Variants in C1orf185 observed in about 807,000 individuals in gnomAD.
C1orf185 encodes uncharacterized protein C1orf185.
Under a neutral mutation model 16.1 loss-of-function variants are expected in C1orf185, and 13 were observed. That is an observed-to-expected ratio of 0.81 (90% confidence interval 0.53 to 1.28). The LOEUF is 1.28. Among genes scored for constraint, C1orf185 ranks in the 50% most tolerant of loss-of-function variants. The probability of loss-of-function intolerance (pLI) is 0.00; values close to 1 mark genes in which losing one functional copy is unlikely to be tolerated. For missense variants in C1orf185, 220 were observed against 225.2 expected (o/e 0.98, Z 0.15); for synonymous variants, 80 against 76.9 (o/e 1.04, Z -0.21).
downstream of C1orf185, among the ~76,000 whole-genome samples, chr1:51,150,328 G>A (rs1180758181): frequency 2.0e-5 from 3 of 151,952 alleles, no homozygotes; most frequent in Admixed American, 6.6e-5. Context: ...GAGTAGCTGG[G>A]ACTACAGACA....
intron 3 of C1orf185, among the ~76,000 whole-genome samples, chr1:51,144,769 T>C (rs184270869): frequency 4.1e-4 from 63 of 152,206 alleles, no homozygotes; most frequent in African/African-American, 1.3e-3. Flanking sequence ...ATAAGCTTTT[T>C]TGGGAGACAG....
chr1:51,118,922 C>A, intron 3 of C1orf185, 121 bp downstream of exon 3: 1 of 770,916 alleles, frequency 1.3e-6, no homozygotes, highest in Non-Finnish European at 1.9e-6. Context: ...ATTTGAGGGA[C>A]AAACTAGTTA....
In C1orf185 at chr1:51,138,475, C is replaced by T. The variant is rs528796457; in HGVS notation, c.259-7249C>T. ...TGGCACAATCTCGGCTCACTGCAAG[C>T]TCTGCCTCCCGGGTTCACGCCATTC... is the stretch of plus-strand genomic sequence containing the variant. On this transcript the variant is annotated intron_variant, in intron 3 of 4. Transcript: ENST00000371759. Among the ~76,000 whole-genome samples, 27 of 147,366 alleles carry T rather than the reference C, an allele frequency of 1.8e-4. No homozygotes were observed. The East Asian group carries it at 4.8e-3, about 26-fold the overall frequency.
intron 1 of C1orf185, among the ~76,000 whole-genome samples, chr1:51,109,646 T>C: frequency 6.6e-6 from 1 of 152,098 alleles, no homozygotes; most frequent in East Asian, 1.9e-4. Context: ...CCACAAGAGG[T>C]TGTTCTTTCT....
At chr1:51,121,767 T>C (rs1292135088) in intron 3 of C1orf185, among the ~76,000 whole-genome samples, 1 of 152,212 alleles carries the variant, frequency 6.6e-6, no homozygotes, top group East Asian at 1.9e-4. Context: ...ATGACATACA[T>C]ACAGAAGAAT....
chr1:51,122,727 G>A (rs1646206855), intron 3 of C1orf185, among the ~76,000 whole-genome samples: 1 of 152,268 alleles, frequency 6.6e-6, no homozygotes, highest in Non-Finnish European at 1.5e-5. Context: ...AAAGTCCTCT[G>A]TGCTTCTCTG....
At chr1:51,121,736 C>T (rs1298860083) in intron 3 of C1orf185, among the ~76,000 whole-genome samples, 1 of 151,974 alleles carries the variant, frequency 6.6e-6, no homozygotes, top group East Asian at 1.9e-4. Flanking sequence ...TGATTTCTAA[C>T]AAAAACTTTT....
intron 3 of C1orf185, among the ~76,000 whole-genome samples, chr1:51,128,616 T>C (rs1262026935): frequency 1.3e-5 from 2 of 151,880 alleles, no homozygotes; most frequent in Admixed American, 6.6e-5. Flanking sequence ...TCGCTTGAAA[T>C]TGGGAGGCAA....
In C1orf185 at chr1:51,147,594, T is replaced by A; in HGVS notation, c.423T>A (p.Asp141Glu). The change falls in exon 5 of 5, where the codon GAT becomes GAA. Residue 141 changes from aspartate to glutamate, a missense_variant. By Grantham distance (45) the Asp-to-Glu change is conservative. Transcript: ENST00000371759. ...VTLSLSTLPSDSYYSQSIEAA... is the reference protein window; with the variant it reads ...VTLSLSTLPSESYYSQSIEAA... ...TAAGCTTATCAACATTACCATCTGATTCTTATTACAGCCAAAGTATAGAAG... is the reference window on the plus strand; with the variant it reads ...TAAGCTTATCAACATTACCATCTGAATCTTATTACAGCCAAAGTATAGAAG... 6.4e-7 allele frequency: 1 copy of A among 1,551,592 alleles called. No homozygotes were observed. Among genetic ancestry groups the A allele is most frequent in the Non-Finnish European group, 8.7e-7 (1 of 1,146,924 alleles).
rs922526131 is a variant in C1orf185 at position 51,103,406 on chromosome 1, G to A, written c.16+1157G>A. 2.1e-4 allele frequency among the ~76,000 whole-genome samples: 4 copies of A among 19,398 alleles called. No homozygotes were observed. In the South Asian group the frequency reaches 0.011, roughly 56 times the overall value. 12.7% of individuals were successfully genotyped at this position (19,398 alleles called of 152,430 possible). A position where few individuals can be genotyped will look rare whatever the true frequency, so the allele number is the denominator to read the frequency against. On this transcript the variant is annotated intron_variant, in intron 1 of 4. Coordinates refer to ENST00000371759, the MANE Select transcript of C1orf185 (RefSeq NM_001136508.2). Reference sequence around the variant, plus strand: ...GGGCAACAGAGTGAGATCTTGTCTCGAAAAACACACACACACACACACACA... The same window carrying A: ...GGGCAACAGAGTGAGATCTTGTCTCAAAAAACACACACACACACACACACA...
chr1:51,145,845 T>C (rs766799789), intron 4 of C1orf185, 85 bp downstream of exon 4: 2 of 646,820 alleles, frequency 3.1e-6, no homozygotes, highest in Non-Finnish European at 4.8e-6. Context: ...CTATCCTAAA[T>C]GTCATCTAAA....
downstream of C1orf185, among the ~76,000 whole-genome samples, chr1:51,150,082 ACAAT>A (rs1646423373): frequency 6.6e-6 from 1 of 152,190 alleles, no homozygotes; most frequent in Non-Finnish European, 1.5e-5. Context: ...TTCTATTCCT[ACAAT>A]CAAAGCATCA....
At chr1:51,110,688 G>T (rs1406732543) in intron 1 of C1orf185, among the ~76,000 whole-genome samples, 1 of 152,138 alleles carries the variant, frequency 6.6e-6, no homozygotes, top group Non-Finnish European at 1.5e-5. Context: ...TTCTTTCTCG[G>T]CTGAGCGTGA....
At chr1:51,106,806 G>C (rs1302590896) in intron 1 of C1orf185, among the ~76,000 whole-genome samples, 1 of 147,534 alleles carries the variant, frequency 6.8e-6, no homozygotes, top group African/African-American at 2.6e-5. Flanking sequence ...TCACCAGGCT[G>C]GAGTGCAGTG....
Position 51,112,499 on chromosome 1 carries a change from G to A in C1orf185, c.52G>A (p.Gly18Ser). 1 of 1,550,360 alleles carries A rather than the reference G, an allele frequency of 6.5e-7. No homozygotes were observed. The change falls in exon 2 of 5, where the codon GGT becomes AGT. Residue 18 changes from glycine to serine, a missense_variant. Coordinates refer to ENST00000371759, the MANE Select transcript of C1orf185 (RefSeq NM_001136508.2). The stretch of plus-strand genomic sequence containing the variant: ...TTACTTGACCTATTTTCTTGCTGCT[G>A]GTGCTGTCACTTTGGGAATTGGTTT... ...FNYLTYFLAA[G>S]AVTLGIGFFA...
chr1:51,136,980 A>G (rs1044440623), intron 3 of C1orf185, among the ~76,000 whole-genome samples: 2 of 152,160 alleles, frequency 1.3e-5, no homozygotes, highest in African/African-American at 4.8e-5. Context: ...AAACCTACAA[A>G]TGGGAGAAAA....
intron 3 of C1orf185, among the ~76,000 whole-genome samples, chr1:51,132,134 T>C (rs991836732): frequency 2.6e-5 from 4 of 152,150 alleles, no homozygotes; most frequent in African/African-American, 9.7e-5. Flanking sequence ...CAGAGATTGA[T>C]GGTAGATAAA....
chr1:51,135,401 T>A (rs1646315961), intron 3 of C1orf185, among the ~76,000 whole-genome samples: 1 of 151,966 alleles, frequency 6.6e-6, no homozygotes, highest in South Asian at 2.1e-4. Context: ...TAGCCGGGCG[T>A]GGTGGCACAT....
At chr1:51,141,486 C>G (rs1192629651) in intron 3 of C1orf185, among the ~76,000 whole-genome samples, 2 of 151,958 alleles carry the variant, frequency 1.3e-5, no homozygotes, top group Non-Finnish European at 2.9e-5. Context: ...GGGTGAAACC[C>G]CATCTTAAAA....
Sources: allele counts gnomAD v4.1 joint callset (sites outside exome capture counted in the v4.1 genomes callset), GRCh38; gene constraint gnomAD v4.1.1; transcripts MANE v1.5; gene names NCBI Gene and HGNC (gene_info 2026-07-23, HGNC 2026-07-21).